The following PIEZO2 variants were observed in gnomAD, a reference collection of about 807,000 sequenced individuals.
PIEZO2 encodes piezo type mechanosensitive ion channel component 2.
In PIEZO2, 172 loss-of-function variants were observed where a neutral mutation model predicts 337.3. That is an observed-to-expected ratio of 0.51 (90% CI 0.45 to 0.58). The LOEUF (loss-of-function observed/expected upper bound fraction) is 0.58. Among genes scored for constraint, PIEZO2 ranks in the 20% least tolerant of loss-of-function variants. PIEZO2 has a pLI of 0.00. For synonymous variants in PIEZO2, 1,251 were observed against 1,228.5 expected (o/e 1.02, Z -0.38); for missense variants, 3,028 against 3,391.3 (o/e 0.89, Z 2.66).
chr18:10,802,175 A>G lies in PIEZO2; in HGVS notation c.1201-747T>C, dbSNP rs190229599. On this transcript the variant is annotated intron_variant, in intron 9 of 55. Coordinates refer to ENST00000674853, the MANE Select transcript of PIEZO2 (RefSeq NM_001378183.1). Reference sequence around the variant, plus strand: ...TTATTTTAAGATTTGCATACTGTCTACAACAAAATGATTATTATATGACTC... The same window carrying G: ...TTATTTTAAGATTTGCATACTGTCTGCAACAAAATGATTATTATATGACTC... Among the ~76,000 whole-genome samples the G allele has an allele frequency of 2.0e-5, 3 of 152,190 alleles. No individual in the cohort carries two copies. In the East Asian group the frequency reaches 5.8e-4, roughly 29 times the overall value.
chr18:10,774,593 A>C (rs1390386407), intron 18 of PIEZO2, among the ~76,000 whole-genome samples: 1 of 152,198 alleles, frequency 6.6e-6, no homozygotes, highest in Non-Finnish European at 1.5e-5. Context: ...ACAGGGAGAG[A>C]GAGCTTCCGG....
At position 10,962,346 on chromosome 18, in the gene PIEZO2, C is replaced by G. The variant is rs755397259; in HGVS notation, c.286+17189G>C. The stretch of plus-strand genomic sequence containing the variant: ...GGTCACTCACGGCCCTCCCTCGGCT[C>G]CCCACAGCCTCATACTCACAACTGG... On this transcript the variant is annotated intron_variant, in intron 3 of 55. Transcript: ENST00000674853. This position sits in a 1 kb window ranked among gnomAD's most constrained non-coding sequence, Gnocchi z 4.1. Among the ~76,000 whole-genome samples, 2 of 152,184 alleles carry G rather than the reference C, an allele frequency of 1.3e-5. No individual in the cohort carries two copies. The highest frequency in any genetic ancestry group is 2.9e-5 in the Non-Finnish European group (2 of 68,040).
intron 2 of PIEZO2, among the ~76,000 whole-genome samples, chr18:11,045,295 CAAAAAAAAAAAA>C (rs58924653): frequency 1.1e-4 from 6 of 52,346 alleles, no homozygotes; most frequent in South Asian, 9.9e-4. Flanking sequence ...GACTCCGTCT[CAAAAAAAAAAAA>C]AAAAAAAAAA....
At chr18:10,731,215 A>ATATATC (rs1290190163) in intron 36 of PIEZO2, among the ~76,000 whole-genome samples, 192 bp downstream of exon 36, 12 of 128,734 alleles carry the variant, frequency 9.3e-5, no homozygotes, top group African/African-American at 2.6e-4. Flanking sequence ...ATATATATAT[A>ATATATC]TATCTCCTAA....
rs1410958153 is a variant in PIEZO2, at chr18:11,048,188, G to A, written c.160+17939C>T. ...AGTGACTTTCCCCAATACCCCTTAA[G>A]GGCACAAAATACTGGCAAGCAAAAA... is the stretch of plus-strand genomic sequence containing the variant. On this transcript the variant is annotated intron_variant, in intron 2 of 55. Coordinates refer to ENST00000674853, the MANE Select transcript of PIEZO2 (RefSeq NM_001378183.1). This position sits in a 1 kb window ranked among gnomAD's most constrained non-coding sequence, Gnocchi z 4.5. 2.0e-5 allele frequency among the ~76,000 whole-genome samples: 3 copies of A among 152,020 alleles called. No homozygotes were observed. Among genetic ancestry groups the A allele is most frequent in the East Asian group, 3.9e-4 (2 of 5,186 alleles).
Position 10,689,742 on chromosome 18 carries a change from G to A in PIEZO2, c.7410C>T (p.Asp2470=), listed in dbSNP as rs530837872. ...TCCAGCTGGACAGGCTCAAAGTTGTGTCCGTCCACACCCAGTCCATCACTG... is the reference window on the plus strand; with the variant it reads ...TCCAGCTGGACAGGCTCAAAGTTGTATCCGTCCACACCCAGTCCATCACTG... ...LRAVMDWVWT[D]TTLSLSSWIC... The change falls in exon 49 of 56, where the codon GAC becomes GAT. Residue 2470 remains aspartate, a synonymous_variant. Coordinates refer to ENST00000674853, the MANE Select transcript of PIEZO2 (RefSeq NM_001378183.1). 4.3e-6 allele frequency: 7 copies of A among 1,614,184 alleles called. 1 individual carries two copies. The South Asian group carries it at 6.6e-5, about 15-fold the overall frequency.
intron 9 of PIEZO2, among the ~76,000 whole-genome samples, chr18:10,802,138 T>C (rs942639299): frequency 1.5e-4 from 23 of 148,700 alleles, no homozygotes; most frequent in Admixed American, 1.5e-3. Context: ...TGATTTGTAA[T>C]GTGGTTAGAG....
At chr18:11,026,188 GAGGT>G (rs1367305262) in intron 2 of PIEZO2, among the ~76,000 whole-genome samples, 1 of 152,230 alleles carries the variant, frequency 6.6e-6, no homozygotes, top group Non-Finnish European at 1.5e-5. Context: ...AAGAAAAGAA[GAGGT>G]AGGTAGTTTG....
rs1415661214 is a variant in PIEZO2, at chr18:10,869,697, A to G, written c.492+1556T>C. On this transcript the variant is annotated intron_variant, in intron 5 of 55. Transcript: ENST00000674853. ...GAAGAAGAAGCACTCTTCCGTTTTT[A>G]GGGCACTAATGCATGCCTTATGGTG... 2.0e-5 allele frequency among the ~76,000 whole-genome samples: 3 copies of G among 152,238 alleles called. No homozygotes were observed. The East Asian group carries it at 5.8e-4, about 29-fold the overall frequency.
intron 12 of PIEZO2, among the ~76,000 whole-genome samples, chr18:10,796,961 T>A (rs1215494405): frequency 6.6e-6 from 1 of 151,888 alleles, no homozygotes; most frequent in East Asian, 1.9e-4. Flanking sequence ...TACCATCATA[T>A]CTTATATACC....
chr18:10,715,384 C>T (rs546667401), intron 38 of PIEZO2, among the ~76,000 whole-genome samples: 1 of 152,288 alleles, frequency 6.6e-6, no homozygotes, highest in South Asian at 2.1e-4. Context: ...AAAGTCTGTA[C>T]ACCTGCAAAC....
chr18:10,858,289 C>T (rs1290857573), intron 5 of PIEZO2, among the ~76,000 whole-genome samples: 2 of 125,936 alleles, frequency 1.6e-5, no homozygotes, highest in Non-Finnish European at 3.2e-5. Flanking sequence ...TGCCACTGCA[C>T]TCCAGCCTGG....
At chr18:10,879,388 A>G (rs1211496970) in intron 4 of PIEZO2, among the ~76,000 whole-genome samples, 2 of 129,870 alleles carry the variant, frequency 1.5e-5, no homozygotes, top group East Asian at 4.6e-4. Context: ...AGTCCTTTCC[A>G]ATCTTTTTTT....
At chr18:11,086,392 G>A (rs1235737437) in intron 1 of PIEZO2, among the ~76,000 whole-genome samples, 3 of 151,518 alleles carry the variant, frequency 2.0e-5, no homozygotes, top group South Asian at 2.1e-4. Flanking sequence ...TGGTGCGGGC[G>A]CCTGTAGTCC....
rs1050538771 is a variant in PIEZO2, at chr18:11,110,906, G to A, written c.64+37619C>T. Among the ~76,000 whole-genome samples the A allele has an allele frequency of 2.6e-5, 4 of 152,308 alleles. No individual in the cohort carries two copies. Among genetic ancestry groups the A allele is most frequent in the East Asian group, 3.9e-4 (2 of 5,190 alleles). On this transcript the variant is annotated intron_variant, in intron 1 of 55. Coordinates refer to ENST00000674853, the MANE Select transcript of PIEZO2 (RefSeq NM_001378183.1). The surrounding 1 kb of genome is among the most constrained non-coding windows in gnomAD (Gnocchi z 4.2). ...CTCTCCTGAGGTCTGCTCCACACAC[G>A]AGGTGAGGCCAGGATGCTGTGCCCC...
intron 2 of PIEZO2, among the ~76,000 whole-genome samples, chr18:11,010,592 A>C (rs1009975278): frequency 6.6e-6 from 1 of 152,156 alleles, no homozygotes; most frequent in Non-Finnish European, 1.5e-5. Flanking sequence ...CTCCTTATTT[A>C]TTCTCTAGTC....
intron 43 of PIEZO2, among the ~76,000 whole-genome samples, chr18:10,700,271 T>C (rs1379040979): frequency 6.6e-6 from 1 of 152,140 alleles, no homozygotes; most frequent in Non-Finnish European, 1.5e-5. Flanking sequence ...TGAAATAGGA[T>C]GGTTTCAAGC....
intron 39 of PIEZO2, among the ~76,000 whole-genome samples, chr18:10,709,972 A>G (rs1275539343): frequency 6.6e-6 from 1 of 152,282 alleles, no homozygotes; most frequent in African/African-American, 2.4e-5. Context: ...TTGGACGAAC[A>G]CAGTGAGGAC....
intron 5 of PIEZO2, among the ~76,000 whole-genome samples, chr18:10,867,251 T>C (rs757385167): frequency 1.3e-5 from 2 of 152,342 alleles, no homozygotes; most frequent in Non-Finnish European, 2.9e-5. Context: ...GTTGAAAGCC[T>C]AACTAGAAGA....
Sources: gnomAD v4.1 joint callset for allele counts (sites outside exome capture counted in the v4.1 genomes callset) on GRCh38, gnomAD v4.1.1 for gene constraint, Gnocchi (gnomAD v3.1) non-coding constraint, MANE v1.5 for transcripts, NCBI Gene and HGNC (gene_info 2026-07-23, HGNC 2026-07-21) for gene names.